ACTL8: variants seen among roughly 807,000 people sequenced by gnomAD.
ACTL8 encodes actin like 8.
Under a neutral mutation model 9.3 loss-of-function variants are expected in ACTL8, and 3 were observed. That is an observed-to-expected ratio of 0.32 (90% CI 0.15 to 0.83). The LOEUF (loss-of-function observed/expected upper bound fraction) is 0.83. Ranked by LOEUF, ACTL8 falls within the 40% of genes least tolerant of loss-of-function variation. The pLI is 0.57. For missense variants in ACTL8, 381 were observed against 492.2 expected (o/e 0.77, Z 2.14); for synonymous variants, 224 against 205.9 (o/e 1.09, Z -0.75).
chr1:17,773,363 T>C (rs2066096551), intron 1 of ACTL8, among the ~76,000 whole-genome samples: 5 of 152,248 alleles, frequency 3.3e-5, no homozygotes, highest in Admixed American at 3.3e-4. Context: ...GTCTCACCTC[T>C]GTGGTCCCTC....
chr1:17,782,068 C>G (rs1001866232), intron 1 of ACTL8, among the ~76,000 whole-genome samples: 4 of 152,000 alleles, frequency 2.6e-5, no homozygotes, highest in African/African-American at 4.8e-5. Flanking sequence ...TGGATCTATT[C>G]CCACAAGAAT....
intron 1 of ACTL8, among the ~76,000 whole-genome samples, chr1:17,757,768 C>T (rs2102671243): frequency 6.6e-6 from 1 of 152,286 alleles, no homozygotes; most frequent in East Asian, 1.9e-4. Flanking sequence ...TCCAGGAAGG[C>T]AGAATGTAAC....
chr1:17,814,451 A>G (rs1381778126), intron 1 of ACTL8, among the ~76,000 whole-genome samples: 1 of 152,256 alleles, frequency 6.6e-6, no homozygotes, highest in Non-Finnish European at 1.5e-5. Flanking sequence ...AAACAATACA[A>G]TACATACCAT....
At position 17,823,189 on chromosome 1, in the gene ACTL8, G is replaced by C; in HGVS notation, c.181G>C (p.Asp61His). The change falls in exon 2 of 3, where the codon GAC (aspartate) becomes CAC (histidine). Residue 61 changes from aspartate to histidine, a missense_variant. By Grantham distance (81) the Asp-to-His change is moderately conservative. This residue lies in a region of ACTL8 where 125 missense variants were observed against 180.7 expected (regional missense o/e 0.69). Coordinates refer to ENST00000375406, the MANE Select transcript of ACTL8 (RefSeq NM_030812.3). The surrounding 1 kb of genome is among the most constrained non-coding windows in gnomAD (Gnocchi z 5.3). ...CCTGGGCATCGACATTTGCCATCCT[G>C]ACACCTTTAGCTACCCCATCGAGCG... The part of the protein sequence containing the change: ...VSLGIDICHP[D>H]TFSYPIERGR... 1 of 1,614,188 alleles carries C rather than the reference G, an allele frequency of 6.2e-7. No homozygotes were observed. The highest frequency in any genetic ancestry group is 8.5e-7 in the Non-Finnish European group (1 of 1,180,034).
chr1:17,811,996 A>C (rs908444642), intron 1 of ACTL8, among the ~76,000 whole-genome samples: 1 of 150,042 alleles, frequency 6.7e-6, no homozygotes, highest in African/African-American at 2.5e-5. Context: ...CTACAGGTGC[A>C]TGCCACTGAA....
chr1:17,772,438 C>T (rs1340708253), intron 1 of ACTL8, among the ~76,000 whole-genome samples: 1 of 151,980 alleles, frequency 6.6e-6, no homozygotes, highest in East Asian at 1.9e-4. Flanking sequence ...GGTTTCTCCC[C>T]CAGACCCCAG....
intron 1 of ACTL8, among the ~76,000 whole-genome samples, chr1:17,799,688 CT>C (rs147381067): frequency 0.011 from 1,625 of 152,204 alleles, 37 homozygotes; most frequent in African/African-American, 0.037. Flanking sequence ...CAAAAAAATT[CT>C]CCCACAATCT....
intron 1 of ACTL8, among the ~76,000 whole-genome samples, chr1:17,790,708 C>G (rs530384109): frequency 5.3e-5 from 8 of 152,364 alleles, no homozygotes; most frequent in Admixed American, 3.9e-4. Context: ...GGACCCACCC[C>G]CTTCTACCCA....
At chr1:17,795,427 G>A (rs989444077) in intron 1 of ACTL8, among the ~76,000 whole-genome samples, 8 of 152,196 alleles carry the variant, frequency 5.3e-5, no homozygotes, top group African/African-American at 1.9e-4. Flanking sequence ...TGCAGGGTTC[G>A]TGTGAGGATT....
At chr1:17,795,388 T>C (rs1270682656) in intron 1 of ACTL8, among the ~76,000 whole-genome samples, 1 of 152,240 alleles carries the variant, frequency 6.6e-6, no homozygotes, top group South Asian at 2.1e-4. Flanking sequence ...TTGAGCCTAT[T>C]TCCTCCACTA....
chr1:17,771,443 C>T (rs1424478236), intron 1 of ACTL8, among the ~76,000 whole-genome samples: 1 of 152,140 alleles, frequency 6.6e-6, no homozygotes, highest in African/African-American at 2.4e-5. Context: ...TATTAAATGT[C>T]AGTCACTGAT....
Position 17,797,677 on chromosome 1 carries a change from T to A in ACTL8, c.-24-25308T>A, listed in dbSNP as rs573618851. 4.6e-5 allele frequency among the ~76,000 whole-genome samples: 7 copies of A among 152,304 alleles called. No individual in the cohort carries two copies. The South Asian group carries it at 1.5e-3, about 32-fold the overall frequency. The stretch of plus-strand genomic sequence containing the variant: ...AGAATATTCTGGAAGCCCACAGGCC[T>A]GGGTGTGGCTCTGGCAGCTTCCTGT... On this transcript the variant is annotated intron_variant, in intron 1 of 2. Coordinates refer to ENST00000375406, the MANE Select transcript of ACTL8 (RefSeq NM_030812.3).
chr1:17,817,541 G>A (rs1385271546), intron 1 of ACTL8, among the ~76,000 whole-genome samples: 1 of 151,854 alleles, frequency 6.6e-6, no homozygotes, highest in Non-Finnish European at 1.5e-5. Flanking sequence ...GTTCCCTCTG[G>A]GTTTCTTGCC....
intron 1 of ACTL8, among the ~76,000 whole-genome samples, chr1:17,777,601 G>A (rs1231312959): frequency 6.6e-6 from 1 of 152,204 alleles, no homozygotes; most frequent in Non-Finnish European, 1.5e-5. Context: ...CTGTGCTTGG[G>A]CTCGTGGGAA....
intron 1 of ACTL8, among the ~76,000 whole-genome samples, chr1:17,814,728 A>G (rs1014132952): frequency 1.3e-5 from 2 of 152,108 alleles, no homozygotes; most frequent in Non-Finnish European, 2.9e-5. Flanking sequence ...TAGCATAGCA[A>G]GACTCCATAT....
At chr1:17,792,796 G>A (rs928977449) in intron 1 of ACTL8, among the ~76,000 whole-genome samples, 4 of 152,188 alleles carry the variant, frequency 2.6e-5, no homozygotes, top group Admixed American at 1.3e-4. Context: ...TAGCAGGGGT[G>A]TATATGGGAG....
chr1:17,761,760 G>A (rs1397234502), intron 1 of ACTL8, among the ~76,000 whole-genome samples: 1 of 151,984 alleles, frequency 6.6e-6, no homozygotes, highest in East Asian at 1.9e-4. Flanking sequence ...TAGTAGAGAC[G>A]GGGTTTCACC....
intron 1 of ACTL8, among the ~76,000 whole-genome samples, chr1:17,812,046 TG>T (rs1371322166): frequency 3.9e-5 from 6 of 151,936 alleles, no homozygotes; most frequent in Middle Eastern, 6.8e-3. Flanking sequence ...TTAGTAGAGA[TG>T]GGGTTTCATC....
chr1:17,822,507 G>C (rs1002149747), intron 1 of ACTL8, among the ~76,000 whole-genome samples: 7 of 152,200 alleles, frequency 4.6e-5, no homozygotes, highest in African/African-American at 1.7e-4. Flanking sequence ...TACAATGCCT[G>C]CTTCTGCTGC....
Sources: gnomAD v4.1 joint callset for allele counts (sites outside exome capture counted in the v4.1 genomes callset) on GRCh38, gnomAD v4.1.1 for gene constraint, gnomAD v4.1.1 regional missense constraint, Gnocchi (gnomAD v3.1) non-coding constraint, MANE v1.5 for transcripts, NCBI Gene and HGNC (gene_info 2026-07-23, HGNC 2026-07-21) for gene names.